The following TMX1 variants were observed in gnomAD, a reference collection of about 807,000 sequenced individuals.
TMX1 encodes thioredoxin-related transmembrane protein 1.
Under a neutral mutation model 36.6 loss-of-function variants are expected in TMX1, and 25 were observed. That is an observed-to-expected ratio of 0.68 (90% CI 0.50 to 0.95). The LOEUF (loss-of-function observed/expected upper bound fraction) is 0.95. Among genes scored for constraint, TMX1 ranks in the 40% least tolerant of loss-of-function variants. The probability of loss-of-function intolerance (pLI) is 0.00; values close to 1 mark genes in which losing one functional copy is unlikely to be tolerated. For synonymous variants in TMX1, 133 were observed against 118.0 expected (o/e 1.13, Z -0.82); for missense variants, 347 against 339.6 (o/e 1.02, Z -0.17).
rs377471536 is a variant in TMX1 at position 51,256,141 on chromosome 14, A to G, written c.*1622A>G. The stretch of plus-strand genomic sequence containing the variant: ...GATGAGTAGTTGTGTGTTCCTATAT[A>G]TGTACTTGATATGTGTAATCAAAAG... On this transcript the variant is annotated 3_prime_UTR_variant, in exon 8 of 8. Transcript: ENST00000457354. 3.9e-4 allele frequency: 59 copies of G among 152,532 alleles called. No individual in the cohort carries two copies. The highest frequency in any genetic ancestry group is 1.3e-3 in the African/African-American group (56 of 41,534). The allele number at this position is 152,532 out of a possible 1,614,324, so 9.4% of individuals were successfully genotyped here. A position where few individuals can be genotyped will look rare whatever the true frequency, so the allele number is the denominator to read the frequency against.
chr14:51,257,296 T>C lies in TMX1; in HGVS notation c.*2777T>C, dbSNP rs1211046147. On this transcript the variant is annotated 3_prime_UTR_variant, in exon 8 of 8. Coordinates refer to ENST00000457354, the MANE Select transcript of TMX1 (RefSeq NM_030755.5). ...TTTTCTCTCATCAGTTTCGTCCTTA[T>C]TCAGCCTTACACAAAAAAAGGCATA... 6.6e-6 allele frequency: 1 copy of C among 152,336 alleles called. No homozygotes were observed. Among genetic ancestry groups the C allele is most frequent in the African/African-American group, 2.4e-5 (1 of 41,574 alleles). 9.4% of individuals were successfully genotyped at this position (152,336 alleles called of 1,614,324 possible). A position where few individuals can be genotyped will look rare whatever the true frequency, so the allele number is the denominator to read the frequency against.
chr14:51,242,777 A>G (rs1210438791), intron 1 of TMX1, among the ~76,000 whole-genome samples: 1 of 152,150 alleles, frequency 6.6e-6, no homozygotes, highest in Non-Finnish European at 1.5e-5. Flanking sequence ...ACCCTGTTTC[A>G]AAAAATAAAA....
chr14:51,253,223 A>G (rs1397674314), intron 7 of TMX1, among the ~76,000 whole-genome samples: 2 of 152,180 alleles, frequency 1.3e-5, no homozygotes, highest in Non-Finnish European at 2.9e-5. Flanking sequence ...TGAATATTTA[A>G]TAGCATTCTA....
At chr14:51,248,281 G>A (rs1240636847) in intron 4 of TMX1, among the ~76,000 whole-genome samples, 1 of 152,204 alleles carries the variant, frequency 6.6e-6, no homozygotes, top group African/African-American at 2.4e-5. Flanking sequence ...GACTGATCCT[G>A]TGTGGCCATC....
At chr14:51,245,717 G>A in intron 3 of TMX1, 1 of 341,320 alleles carries the variant, frequency 2.9e-6, no homozygotes, top group East Asian at 7.2e-5. Flanking sequence ...AGAGAATATG[G>A]GGTTTAAATG....
In TMX1 at chr14:51,256,108, G is replaced by C. The variant is rs4901096; in HGVS notation, c.*1589G>C. ...TATGCTTTATTACTTTGTATTTAACGATGTTCAGATGAGTAGTTGTGTGTT... is the reference window on the plus strand; with the variant it reads ...TATGCTTTATTACTTTGTATTTAACCATGTTCAGATGAGTAGTTGTGTGTT... On this transcript the variant is annotated 3_prime_UTR_variant, in exon 8 of 8. Coordinates refer to ENST00000457354, the MANE Select transcript of TMX1 (RefSeq NM_030755.5). 0.31 allele frequency: 47,836 copies of C among 152,258 alleles called. 7,864 individuals carry two copies. Among genetic ancestry groups the C allele is most frequent in the Admixed American group, 0.37 (5,599 of 15,264 alleles). The allele number at this position is 152,258 out of a possible 1,614,324, so 9.4% of individuals were successfully genotyped here.
At position 51,254,807 on chromosome 14, in the gene TMX1, GT is replaced by G; in HGVS notation, c.*292del. ...TAATAATAACCTATTTCAAGTCTGAGTTTTGAAAATTTACATTTCCCAAGTA... is the reference window on the plus strand; with the variant it reads ...TAATAATAACCTATTTCAAGTCTGAGTTTGAAAATTTACATTTCCCAAGTA... On this transcript the variant is annotated 3_prime_UTR_variant, in exon 8 of 8. Transcript: ENST00000457354. The G allele has an allele frequency of 4.8e-6, 1 of 208,982 alleles. No individual in the cohort carries two copies. The highest frequency in any genetic ancestry group is 9.4e-6 in the Non-Finnish European group (1 of 106,424). The allele number at this position is 208,982 out of a possible 1,614,324, so 12.9% of individuals were successfully genotyped here.
chr14:51,241,562 A>G (rs1483191179), intron 1 of TMX1, among the ~76,000 whole-genome samples: 1 of 152,204 alleles, frequency 6.6e-6, no homozygotes, highest in Non-Finnish European at 1.5e-5. Context: ...TTGTTAGAAC[A>G]CCTTCTTCTT....
intron 4 of TMX1, among the ~76,000 whole-genome samples, chr14:51,248,627 A>G (rs1596406425): frequency 6.6e-6 from 1 of 152,202 alleles, no homozygotes; most frequent in Non-Finnish European, 1.5e-5. Context: ...ATCTCATCTC[A>G]TAAATGAATC....
In TMX1 at chr14:51,256,520, G is replaced by T. The variant is rs1332642466; in HGVS notation, c.*2001G>T. 1.3e-5 allele frequency: 2 copies of T among 152,188 alleles called. No individual in the cohort carries two copies. The highest frequency in any genetic ancestry group is 6.5e-5 in the Admixed American group (1 of 15,272). 9.4% of individuals were successfully genotyped at this position (152,188 alleles called of 1,614,324 possible). A position where few individuals can be genotyped will look rare whatever the true frequency, so the allele number is the denominator to read the frequency against. On this transcript the variant is annotated 3_prime_UTR_variant, in exon 8 of 8. Transcript: ENST00000457354. ...TACAAATGGTTTAGGAAAGAATAAG[G>T]TATAGTAAAAGTAATATCCTGGAGA...
intron 1 of TMX1, among the ~76,000 whole-genome samples, chr14:51,242,961 C>T (rs2065768581): frequency 6.6e-6 from 1 of 152,088 alleles, no homozygotes; most frequent in South Asian, 2.1e-4. Flanking sequence ...GGCTTTTATA[C>T]TACCAGTTTG....
chr14:51,247,887 G>A lies in TMX1; in HGVS notation c.443+667G>A, dbSNP rs984058106. ...AATTTGAATGAGTAGGCTCAAACTT[G>A]TACTCATGCTACCTCCAGACTTCAA... On this transcript the variant is annotated intron_variant, in intron 4 of 7. Coordinates refer to ENST00000457354, the MANE Select transcript of TMX1 (RefSeq NM_030755.5). Among the ~76,000 whole-genome samples, 24 of 152,180 alleles carry A rather than the reference G, an allele frequency of 1.6e-4. 1 individual carries two copies. Among genetic ancestry groups the A allele is most frequent in the South Asian group, 4.1e-4 (2 of 4,836 alleles).
In TMX1 at chr14:51,254,443, GAACA is replaced by G. The variant is rs750374130; in HGVS notation, c.774_777del (p.Asn258LysfsTer8). The G allele has an allele frequency of 1.2e-5, 20 of 1,612,066 alleles. No homozygotes were observed. The highest frequency in any genetic ancestry group is 4.0e-5 in the African/African-American group (3 of 74,850). On this transcript the variant is annotated frameshift_variant, in exon 8 of 8. Transcript: ENST00000457354. LOFTEE classifies it high-confidence loss of function. ...GAAGAAGAAGCTGAAAGTAAAGAAG[GAACA>G]AACAAAGACTTTCCACAGAATGCCA... is the stretch of plus-strand genomic sequence containing the variant.
intron 2 of TMX1, 44 bp from the exon 3 acceptor site, chr14:51,245,269 G>C (rs764903841): frequency 1.2e-6 from 2 of 1,611,564 alleles, no homozygotes; most frequent in East Asian, 2.2e-5. Context: ...TAAGTAGTCA[G>C]TGATTGGCCT....
Position 51,254,834 on chromosome 14 carries a change from T to A in TMX1, c.*315T>A. The A allele has an allele frequency of 5.5e-6, 1 of 180,488 alleles. No homozygotes were observed. Among genetic ancestry groups the A allele is most frequent in the Non-Finnish European group, 1.1e-5 (1 of 87,120 alleles). 11.2% of individuals were successfully genotyped at this position (180,488 alleles called of 1,614,324 possible). ...TTTGAAAATTTACATTTCCCAAGTA[T>A]TGCATTATTGAGGTATTTAAGAAGA... is the stretch of plus-strand genomic sequence containing the variant. On this transcript the variant is annotated 3_prime_UTR_variant, in exon 8 of 8. Transcript: ENST00000457354.
At chr14:51,241,318 A>C (rs2065759745) in intron 1 of TMX1, among the ~76,000 whole-genome samples, 1 of 152,184 alleles carries the variant, frequency 6.6e-6, no homozygotes, top group South Asian at 2.1e-4. Flanking sequence ...TGGTGGTATT[A>C]TACATATTAG....
intron 7 of TMX1, among the ~76,000 whole-genome samples, chr14:51,251,351 G>GA (rs2065812305): frequency 6.6e-6 from 1 of 152,130 alleles, no homozygotes; most frequent in African/African-American, 2.4e-5. Context: ...GTAAGGATAG[G>GA]TTAGTTGTAT....
chr14:51,250,587 G>T (rs2065807014), intron 7 of TMX1, among the ~76,000 whole-genome samples: 1 of 152,170 alleles, frequency 6.6e-6, no homozygotes, highest in Non-Finnish European at 1.5e-5. Context: ...TGCCTTCCGG[G>T]TTCATGCTAT....
At position 51,254,325 on chromosome 14, in the gene TMX1, GGTCTTT is replaced by G; in HGVS notation, c.665-9_665-4del. 1 of 1,569,440 alleles carries G rather than the reference GGTCTTT, an allele frequency of 6.4e-7. No individual in the cohort carries two copies. The highest frequency in any genetic ancestry group is 2.1e-5 in the Admixed American group (1 of 48,288). On this transcript the variant is annotated splice_polypyrimidine_tract_variant and intron_variant, in intron 7 of 7. Coordinates refer to ENST00000457354, the MANE Select transcript of TMX1 (RefSeq NM_030755.5). ...AATACATCAACAAAAATACATTTTT[GGTCTTT>G]GTCTTTAAGAAAAATTATTATCAGA...
Sources: allele counts gnomAD v4.1 joint callset (sites outside exome capture counted in the v4.1 genomes callset), GRCh38; gene constraint gnomAD v4.1.1; transcripts MANE v1.5; gene names NCBI Gene and HGNC (gene_info 2026-07-23, HGNC 2026-07-21).